Variants in INPP4B observed in about 807,000 individuals in gnomAD.
The protein encoded by INPP4B is inositol polyphosphate-4-phosphatase type II B.
INPP4B carries 55 observed loss-of-function variants against 122.5 expected under a neutral mutation model. That is an observed-to-expected ratio of 0.45 (90% CI 0.36 to 0.56). The LOEUF (loss-of-function observed/expected upper bound fraction) is 0.56. Among genes scored for constraint, INPP4B ranks in the 20% least tolerant of loss-of-function variants. INPP4B has a pLI of 0.00. For synonymous variants in INPP4B, 403 were observed against 388.7 expected (o/e 1.04, Z -0.43); for missense variants, 1,000 against 1,097.7 (o/e 0.91, Z 1.26).
At chr4:142,681,560 C>T (rs929727313) in intron 2 of INPP4B, among the ~76,000 whole-genome samples, 2 of 151,252 alleles carry the variant, frequency 1.3e-5, no homozygotes, top group African/African-American at 4.9e-5. Flanking sequence ...CTGGATAACT[C>T]GAGATGGAGT....
chr4:142,125,370 A>T (rs955795954), intron 18 of INPP4B, among the ~76,000 whole-genome samples: 1 of 151,976 alleles, frequency 6.6e-6, no homozygotes, highest in Non-Finnish European at 1.5e-5. Context: ...TGAAAAAAAA[A>T]CACTAAAGCA....
At chr4:142,181,628 T>TATTCATTC (rs568375218) in intron 15 of INPP4B, among the ~76,000 whole-genome samples, 11 of 152,200 alleles carry the variant, frequency 7.2e-5, no homozygotes, top group African/African-American at 2.7e-4. Flanking sequence ...ATAGTTTGCT[T>TATTCATTC]ATTCATTCAT....
At chr4:142,572,249 C>T (rs1265110119) in intron 2 of INPP4B, among the ~76,000 whole-genome samples, 1 of 152,070 alleles carries the variant, frequency 6.6e-6, no homozygotes, top group Non-Finnish European at 1.5e-5. Context: ...ATGATTTTAC[C>T]TCAAGTTTCC....
intron 2 of INPP4B, among the ~76,000 whole-genome samples, chr4:142,669,248 G>C (rs1756633659): frequency 6.6e-6 from 1 of 151,998 alleles, no homozygotes; most frequent in Non-Finnish European, 1.5e-5. Flanking sequence ...GTACCCAAAA[G>C]ATCTACAGAT....
At chr4:142,093,553 T>C (rs994243449) in intron 23 of INPP4B, among the ~76,000 whole-genome samples, 2 of 152,170 alleles carry the variant, frequency 1.3e-5, no homozygotes, top group Non-Finnish European at 2.9e-5. Flanking sequence ...AGTACTATAG[T>C]CTGTAACATC....
chr4:142,483,332 T>C (rs1352201359), intron 2 of INPP4B, among the ~76,000 whole-genome samples: 3 of 151,948 alleles, frequency 2.0e-5, no homozygotes, highest in East Asian at 1.9e-4. Flanking sequence ...TGTTCAGACA[T>C]TGTGCTGAAC....
chr4:142,047,683 G>A (rs1244597173), intron 25 of INPP4B, among the ~76,000 whole-genome samples: 1 of 152,062 alleles, frequency 6.6e-6, no homozygotes, highest in African/African-American at 2.4e-5. Context: ...AGAGAGGAAA[G>A]AGTTGGTTTC....
intron 25 of INPP4B, among the ~76,000 whole-genome samples, chr4:142,042,614 G>C (rs190957164): frequency 9.9e-5 from 15 of 151,532 alleles, no homozygotes; most frequent in African/African-American, 3.6e-4. Context: ...CCAGGCTGGA[G>C]TGCAGTGATG....
chr4:142,680,369 G>A (rs546023467), intron 2 of INPP4B, among the ~76,000 whole-genome samples: 2 of 151,792 alleles, frequency 1.3e-5, no homozygotes, highest in East Asian at 3.9e-4. Context: ...TATCCCTCAA[G>A]GGAAGCACTT....
chr4:142,436,809 TA>T (rs35215542), intron 3 of INPP4B, among the ~76,000 whole-genome samples: 11,710 of 138,872 alleles, frequency 0.084, 625 homozygotes, highest in African/African-American at 0.18. Context: ...AAAGAATCAA[TA>T]AAAAAAAAAA....
chr4:142,741,256 T>C (rs1156418011), intron 1 of INPP4B, among the ~76,000 whole-genome samples: 1 of 152,014 alleles, frequency 6.6e-6, no homozygotes, highest in African/African-American at 2.4e-5. Flanking sequence ...CTGGTGAGGA[T>C]AGTAGTAAGC....
At chr4:142,696,963 C>T (rs1344951218) in intron 2 of INPP4B, among the ~76,000 whole-genome samples, 1 of 152,116 alleles carries the variant, frequency 6.6e-6, no homozygotes, top group Non-Finnish European at 1.5e-5. Flanking sequence ...TGTGTTTATT[C>T]TTAGAATGGT....
intron 23 of INPP4B, among the ~76,000 whole-genome samples, chr4:142,098,835 T>C (rs1308007874): frequency 6.6e-6 from 1 of 151,982 alleles, no homozygotes; most frequent in Non-Finnish European, 1.5e-5. Flanking sequence ...GATATGAAGA[T>C]TGATAGTTAA....
intron 2 of INPP4B, among the ~76,000 whole-genome samples, chr4:142,720,769 C>A (rs1312704578): frequency 0.043 from 575 of 13,220 alleles, 38 homozygotes; most frequent in African/African-American, 0.15. Context: ...TAATCTCTCT[C>A]TCTCTCTCTC....
chr4:142,545,018 T>C (rs774374332), intron 2 of INPP4B, among the ~76,000 whole-genome samples: 12 of 152,202 alleles, frequency 7.9e-5, no homozygotes, highest in African/African-American at 2.7e-4. Flanking sequence ...TTCAGTTACT[T>C]ACATTGTTCA....
intron 7 of INPP4B, among the ~76,000 whole-genome samples, chr4:142,381,810 C>T (rs915764841): frequency 1.3e-5 from 2 of 151,970 alleles, no homozygotes; most frequent in African/African-American, 2.4e-5. Flanking sequence ...CCGTTCTTTA[C>T]CTATTAACTA....
chr4:142,075,411 C>T (rs1403609743), intron 25 of INPP4B, among the ~76,000 whole-genome samples: 2 of 151,444 alleles, frequency 1.3e-5, no homozygotes, highest in African/African-American at 2.4e-5. Context: ...GCACTAACCC[C>T]GACTCTAAGC....
chr4:142,163,808 T>C lies in INPP4B; in HGVS notation c.1360-3247A>G, dbSNP rs75774969. ...TGCAACTGGGACGATACTAGGAAAG[T>C]TGAAGTCATGGAAAGGATGTGACCA... is the stretch of plus-strand genomic sequence containing the variant. On this transcript the variant is annotated intron_variant, in intron 16 of 25. Coordinates refer to ENST00000262992, the MANE Select transcript of INPP4B (RefSeq NM_001101669.3). Among the ~76,000 whole-genome samples the C allele has an allele frequency of 3.2e-3, 491 of 151,864 alleles. 3 individuals are homozygous for C. The highest frequency in any genetic ancestry group is 0.011 in the African/African-American group (436 of 41,468).
intron 2 of INPP4B, among the ~76,000 whole-genome samples, chr4:142,606,713 T>C (rs1014150572): frequency 6.6e-6 from 1 of 152,038 alleles, no homozygotes. Context: ...TAAAATTCCA[T>C]GAGGAAGCTG....
Sources: gnomAD v4.1 joint callset for allele counts (sites outside exome capture counted in the v4.1 genomes callset) on GRCh38, gnomAD v4.1.1 for gene constraint, MANE v1.5 for transcripts, NCBI Gene and HGNC (gene_info 2026-07-23, HGNC 2026-07-21) for gene names.